ALKBH1: variants seen among roughly 807,000 people sequenced by gnomAD.
ALKBH1 encodes alkB homolog 1, histone H2A dioxygenase, also known as nucleic acid dioxygenase ALKBH1.
Under a neutral mutation model 36.6 loss-of-function variants are expected in ALKBH1, and 31 were observed. The ratio of observed to expected loss-of-function variants is 0.85; its 90% CI spans 0.64 to 1.14. ALKBH1 has a LOEUF of 1.14. Ranked by LOEUF, ALKBH1 falls within the 50% of genes most tolerant of loss-of-function variation. The pLI is 0.00. For synonymous variants in ALKBH1, 183 were observed against 186.6 expected (o/e 0.98, Z 0.16); for missense variants, 490 against 497.3 (o/e 0.99, Z 0.14).
At chr14:77,701,783 AAC>A (rs1181503720) in intron 2 of ALKBH1, among the ~76,000 whole-genome samples, 1 of 152,196 alleles carries the variant, frequency 6.6e-6, no homozygotes, top group Non-Finnish European at 1.5e-5. Flanking sequence ...AAATAAAATA[AAC>A]ACAGCTTATA....
intron 1 of ALKBH1, among the ~76,000 whole-genome samples, chr14:77,706,033 T>G (rs916369649): frequency 6.6e-6 from 1 of 151,936 alleles, no homozygotes; most frequent in African/African-American, 2.4e-5. Flanking sequence ...TCAGCCTGGG[T>G]GACACAGTGA....
intron 3 of ALKBH1, among the ~76,000 whole-genome samples, chr14:77,684,839 T>C (rs2080259187): frequency 6.6e-6 from 1 of 152,194 alleles, no homozygotes. Flanking sequence ...TGAGCCACCA[T>C]GCCCAGCCTC....
At chr14:77,680,958 G>A (rs2267757) in intron 3 of ALKBH1, among the ~76,000 whole-genome samples, 51,280 of 151,800 alleles carry the variant, frequency 0.34, 9,870 homozygotes, top group East Asian at 0.5. Flanking sequence ...TTACAGGCGT[G>A]AGCCACCACA....
At chr14:77,701,404 G>C (rs1220339409) in intron 2 of ALKBH1, among the ~76,000 whole-genome samples, 1 of 152,218 alleles carries the variant, frequency 6.6e-6, no homozygotes, top group African/African-American at 2.4e-5. Flanking sequence ...GCAGAGCCAG[G>C]ATATGAACCC....
rs1225760294 is a variant in ALKBH1 at position 77,673,480 on chromosome 14, C to T, written c.*332G>A. 2 of 258,352 alleles carry T rather than the reference C, an allele frequency of 7.7e-6. No homozygotes were observed. Among genetic ancestry groups the T allele is most frequent in the African/African-American group, 4.4e-5 (2 of 45,462 alleles). 16.0% of individuals were successfully genotyped at this position (258,352 alleles called of 1,614,324 possible). A position where few individuals can be genotyped will look rare whatever the true frequency, so the allele number is the denominator to read the frequency against. ...TAATAAAATCTGAGGTATTTAAATA[C>T]TCTGCAAACATGGAAACTCACTTCT... On this transcript the variant is annotated 3_prime_UTR_variant, in exon 6 of 6. Transcript: ENST00000216489.
At chr14:77,704,587 G>C in intron 1 of ALKBH1, 110 bp from the exon 2 acceptor site, 2 of 815,656 alleles carry the variant, frequency 2.5e-6, no homozygotes, top group East Asian at 2.5e-5. Flanking sequence ...TAGGATTCTT[G>C]TTTAAGATAC....
intron 3 of ALKBH1, among the ~76,000 whole-genome samples, chr14:77,690,471 T>A (rs2080291071): frequency 6.6e-6 from 1 of 152,180 alleles, no homozygotes; most frequent in African/African-American, 2.4e-5. Flanking sequence ...TTAATCAAGG[T>A]GGGCCCTTGG....
chr14:77,686,705 C>T (rs1677798099), intron 3 of ALKBH1, among the ~76,000 whole-genome samples: 1 of 152,148 alleles, frequency 6.6e-6, no homozygotes, highest in Admixed American at 6.5e-5. Context: ...CTCACTGCAA[C>T]CTCCGCCTCC....
At chr14:77,681,231 T>G (rs774913520) in intron 3 of ALKBH1, among the ~76,000 whole-genome samples, 15 of 152,078 alleles carry the variant, frequency 9.9e-5, no homozygotes, top group Non-Finnish European at 1.9e-4. Context: ...GAACGCAGTA[T>G]AAAGTCTAGT....
chr14:77,705,770 A>T (rs1418972120), intron 1 of ALKBH1, among the ~76,000 whole-genome samples: 1 of 152,104 alleles, frequency 6.6e-6, no homozygotes, highest in South Asian at 2.1e-4. Flanking sequence ...AAAATATATG[A>T]AACAGGCCGA....
At chr14:77,697,697 TA>T (rs57516221) in intron 2 of ALKBH1, among the ~76,000 whole-genome samples, 13,328 of 104,882 alleles carry the variant, frequency 0.13, 735 homozygotes, top group African/African-American at 0.19. Flanking sequence ...TTTGCTGTAA[TA>T]AAAAAAAAAA....
Position 77,674,131 on chromosome 14 carries a change from A to G in ALKBH1, c.851T>C (p.Leu284Pro), listed in dbSNP as rs769008067. Residue 284 changes from leucine (L) to proline (P), a missense_variant, in exon 6 of 6, where the codon CTC becomes CCC. Coordinates refer to ENST00000216489, the MANE Select transcript of ALKBH1 (RefSeq NM_006020.3). ...GACACGAGGGACTGCGTGGTTCAAG[A>G]GGCGGCTGAAACCCGACATTATCAT... ...DIMIMSGFSR[L>P]LNHAVPRVLP... 7.2e-5 allele frequency: 116 copies of G among 1,614,070 alleles called. No individual in the cohort carries two copies. The highest frequency in any genetic ancestry group is 9.2e-5 in the Non-Finnish European group (108 of 1,180,040).
At chr14:77,682,674 T>C (rs1253107527) in intron 3 of ALKBH1, among the ~76,000 whole-genome samples, 1 of 152,070 alleles carries the variant, frequency 6.6e-6, no homozygotes, top group South Asian at 2.1e-4. Flanking sequence ...GCACCCTGAG[T>C]ATCTAAATGG....
At chr14:77,682,653 CA>C (rs974059107) in intron 3 of ALKBH1, among the ~76,000 whole-genome samples, 2 of 152,104 alleles carry the variant, frequency 1.3e-5, no homozygotes, top group Non-Finnish European at 2.9e-5. Context: ...ATCTAGAACT[CA>C]AAATAGATGG....
Position 77,704,487 on chromosome 14 carries a change from A to G in ALKBH1, c.184-10T>C. ...GCTGAGATTTGATCACCTGGCAGGA[A>G]GGAAACAGAAGTTAAAGGACTAAAT... On this transcript the variant is annotated splice_polypyrimidine_tract_variant and intron_variant, in intron 1 of 5. Coordinates refer to ENST00000216489, the MANE Select transcript of ALKBH1 (RefSeq NM_006020.3). The G allele has an allele frequency of 6.2e-7, 1 of 1,606,886 alleles. No individual in the cohort carries two copies. The highest frequency in any genetic ancestry group is 1.1e-5 in the South Asian group (1 of 90,932).
rs1273051912 is a variant in ALKBH1 at position 77,683,481 on chromosome 14, A to G, written c.456-3511T>C. On this transcript the variant is annotated intron_variant, in intron 3 of 5. Transcript: ENST00000216489. ...CAATGCTAACAGCATGCTGGGGAACACTGTAGACTCTTCCAGTTTTGCCAT... is the reference window on the plus strand; with the variant it reads ...CAATGCTAACAGCATGCTGGGGAACGCTGTAGACTCTTCCAGTTTTGCCAT... The G allele has an allele frequency of 4.2e-6, 3 of 713,990 alleles. No individual in the cohort carries two copies. The Admixed American group carries it at 5.5e-5, about 13-fold the overall frequency. 44.2% of individuals were successfully genotyped at this position (713,990 alleles called of 1,614,324 possible). A position where few individuals can be genotyped will look rare whatever the true frequency, so the allele number is the denominator to read the frequency against.
chr14:77,696,627 C>T (rs2080328595), intron 2 of ALKBH1: 1 of 152,404 alleles, frequency 6.6e-6, no homozygotes, highest in African/African-American at 2.4e-5. Context: ...TGGCTCAGCT[C>T]ATTGGCTGCG....
chr14:77,683,476 G>A, intron 3 of ALKBH1: 2 of 723,370 alleles, frequency 2.8e-6, no homozygotes, highest in East Asian at 2.6e-5. Context: ...AGCATGCTGG[G>A]GAACACTGTA....
intron 3 of ALKBH1, among the ~76,000 whole-genome samples, chr14:77,691,149 C>A (rs533676145): frequency 6.6e-6 from 1 of 152,196 alleles, no homozygotes; most frequent in African/African-American, 2.4e-5. Flanking sequence ...CTACGCCATT[C>A]ACTTTGGAAA....
Sources: gnomAD v4.1 joint callset for allele counts (sites outside exome capture counted in the v4.1 genomes callset) on GRCh38, gnomAD v4.1.1 for gene constraint, MANE v1.5 for transcripts, NCBI Gene and HGNC (gene_info 2026-07-23, HGNC 2026-07-21) for gene names.